The following CDKAL1 variants were observed in gnomAD, a reference collection of about 807,000 sequenced individuals.
CDKAL1 encodes the protein threonylcarbamoyladenosine tRNA methylthiotransferase.
Under a neutral mutation model 68.2 loss-of-function variants are expected in CDKAL1, and 32 were observed. The ratio of observed to expected loss-of-function variants is 0.47; its 90% CI spans 0.35 to 0.63. CDKAL1 has a LOEUF of 0.63. Among genes scored for constraint, CDKAL1 ranks in the 30% least tolerant of loss-of-function variants. CDKAL1 has a pLI of 0.00. For synonymous variants in CDKAL1, 234 were observed against 244.3 expected (o/e 0.96, Z 0.39); for missense variants, 606 against 696.7 (o/e 0.87, Z 1.47).
At chr6:21,190,360 TG>T (rs1778183675) in intron 13 of CDKAL1, among the ~76,000 whole-genome samples, 2 of 151,792 alleles carry the variant, frequency 1.3e-5, no homozygotes, top group East Asian at 1.9e-4. Flanking sequence ...TTGATATGTG[TG>T]GGGTTTTTTT....
At chr6:20,920,576 C>A (rs913020887) in intron 9 of CDKAL1, among the ~76,000 whole-genome samples, 15 of 152,126 alleles carry the variant, frequency 9.9e-5, no homozygotes, top group African/African-American at 3.6e-4. Context: ...GAATCAGATT[C>A]TTTGTTCACT....
intron 13 of CDKAL1, among the ~76,000 whole-genome samples, chr6:21,149,747 A>T (rs575829639): frequency 4.0e-4 from 61 of 152,330 alleles, no homozygotes; most frequent in African/African-American, 1.3e-3. Context: ...AAACACTGGG[A>T]AGTTGGCTAA....
chr6:20,676,702 T>TAAAA (rs200206312), intron 5 of CDKAL1, among the ~76,000 whole-genome samples: 1 of 133,300 alleles, frequency 7.5e-6, no homozygotes, highest in Non-Finnish European at 1.6e-5. Flanking sequence ...AATAAATAAA[T>TAAAA]AAAATAAAAT....
intron 5 of CDKAL1, among the ~76,000 whole-genome samples, chr6:20,678,067 TG>T (rs1554176183): frequency 6.6e-6 from 1 of 150,428 alleles, no homozygotes; most frequent in Non-Finnish European, 1.5e-5. Flanking sequence ...GTAGTAACAC[TG>T]AATCTAGATT....
chr6:21,001,578 A>G (rs1767430199), intron 11 of CDKAL1, among the ~76,000 whole-genome samples: 1 of 152,206 alleles, frequency 6.6e-6, no homozygotes, highest in South Asian at 2.1e-4. Flanking sequence ...GTTAAGTGCT[A>G]CAGCCTTCAA....
chr6:20,895,687 C>T (rs1429419475), intron 9 of CDKAL1, among the ~76,000 whole-genome samples: 1 of 152,176 alleles, frequency 6.6e-6, no homozygotes, highest in Non-Finnish European at 1.5e-5. Flanking sequence ...AGAAGTCTGC[C>T]ATGTCTCCAT....
At chr6:20,738,306 G>A (rs2150322571) in intron 5 of CDKAL1, among the ~76,000 whole-genome samples, 1 of 152,200 alleles carries the variant, frequency 6.6e-6, no homozygotes, top group Non-Finnish European at 1.5e-5. Flanking sequence ...TCTAGGAGAG[G>A]ATATAAGTTC....
chr6:21,002,302 A>C (rs933061157), intron 11 of CDKAL1, among the ~76,000 whole-genome samples: 5 of 152,140 alleles, frequency 3.3e-5, no homozygotes, highest in Non-Finnish European at 2.9e-5. Context: ...AGAACCAACT[A>C]TGTTTCCCAG....
intron 8 of CDKAL1, among the ~76,000 whole-genome samples, chr6:20,818,407 C>T (rs1777137831): frequency 6.6e-6 from 1 of 152,222 alleles, no homozygotes; most frequent in African/African-American, 2.4e-5. Context: ...ATAATTATCT[C>T]TTTTGAGTGT....
intron 8 of CDKAL1, among the ~76,000 whole-genome samples, chr6:20,809,122 T>G (rs1401787977): frequency 2.6e-5 from 4 of 152,182 alleles, no homozygotes; most frequent in African/African-American, 9.7e-5. Flanking sequence ...TAACAAAATC[T>G]GTGATCTTTT....
intron 9 of CDKAL1, among the ~76,000 whole-genome samples, chr6:20,853,386 C>CAAAAAAAAAA (rs751328082): frequency 6.2e-5 from 2 of 32,446 alleles, no homozygotes; most frequent in East Asian, 4.4e-4. Context: ...TCTCAAAAAA[C>CAAAAAAAAAA]AAAACAAAAA....
chr6:20,878,127 T>C (rs553650364), intron 9 of CDKAL1, among the ~76,000 whole-genome samples: 3 of 152,336 alleles, frequency 2.0e-5, no homozygotes, highest in East Asian at 1.9e-4. Context: ...TTTTGCACTT[T>C]GTATTATACT....
chr6:20,609,230 T>TTCC (rs1766467390), intron 4 of CDKAL1, among the ~76,000 whole-genome samples: 2 of 146,884 alleles, frequency 1.4e-5, no homozygotes, highest in Non-Finnish European at 3.0e-5. Flanking sequence ...TTCTTCTTTC[T>TTCC]TCCTTCTTCC....
chr6:20,993,353 GAA>G (rs1218472214), intron 10 of CDKAL1: 1 of 151,644 alleles, frequency 6.6e-6, no homozygotes, highest in Non-Finnish European at 1.5e-5. Context: ...TAAATGAGCT[GAA>G]AACAACAGAG....
chr6:21,054,410 T>C (rs1770716568), intron 11 of CDKAL1, among the ~76,000 whole-genome samples: 1 of 151,544 alleles, frequency 6.6e-6, no homozygotes, highest in African/African-American at 2.4e-5. Context: ...CTTTTTTTTC[T>C]TCAAAATTGT....
chr6:20,664,784 T>G (rs1272019977), intron 5 of CDKAL1, among the ~76,000 whole-genome samples: 3 of 152,168 alleles, frequency 2.0e-5, no homozygotes, highest in African/African-American at 7.2e-5. Flanking sequence ...GGCTGCAAGC[T>G]TTTTCTTACT....
Position 20,639,739 on chromosome 6 carries a change from C to T in CDKAL1, c.287-9554C>T, listed in dbSNP as rs188805915. Among the ~76,000 whole-genome samples, 346 of 152,292 alleles carry T rather than the reference C, an allele frequency of 2.3e-3. 2 individuals are homozygous for T. Among genetic ancestry groups the T allele is most frequent in the Admixed American group, 2.5e-3 (39 of 15,300 alleles). On this transcript the variant is annotated intron_variant, in intron 4 of 15. Coordinates refer to ENST00000274695, the MANE Select transcript of CDKAL1 (RefSeq NM_017774.3). ...AGGCTGGAGTGCCGTGGTGCGATCTCGGCTCACTGCAACCTCCGCCTCCCA... is the reference window on the plus strand; with the variant it reads ...AGGCTGGAGTGCCGTGGTGCGATCTTGGCTCACTGCAACCTCCGCCTCCCA...
At chr6:20,578,674 T>G (rs186894356) in intron 4 of CDKAL1, among the ~76,000 whole-genome samples, 14 of 152,304 alleles carry the variant, frequency 9.2e-5, no homozygotes, top group Admixed American at 7.2e-4. Context: ...TTTACACACA[T>G]TATCTTATTT....
rs140770866 is a variant in CDKAL1, at chr6:20,721,360, A to G, written c.372-18159A>G. 7.4e-3 allele frequency among the ~76,000 whole-genome samples: 1,120 copies of G among 152,228 alleles called. 15 individuals are homozygous for G. Among genetic ancestry groups the G allele is most frequent in the African/African-American group, 0.026 (1,079 of 41,536 alleles). ...CCACATTTTTTAAATCCCGTCTATC[A>G]TTGATGGACATTTGGGTTGGTTCCA... is the stretch of plus-strand genomic sequence containing the variant. On this transcript the variant is annotated intron_variant, in intron 5 of 15. Coordinates refer to ENST00000274695, the MANE Select transcript of CDKAL1 (RefSeq NM_017774.3).
Sources: gnomAD v4.1 joint callset for allele counts (sites outside exome capture counted in the v4.1 genomes callset) on GRCh38, gnomAD v4.1.1 for gene constraint, MANE v1.5 for transcripts, NCBI Gene and HGNC (gene_info 2026-07-23, HGNC 2026-07-21) for gene names.